The following GALNT13 variants were observed in gnomAD, a reference collection of about 807,000 sequenced individuals.
The protein encoded by GALNT13 is polypeptide N-acetylgalactosaminyltransferase 13, also known as UDP-GalNAc:polypeptide N-acetylgalactosaminyltransferase 13.
Under a neutral mutation model 64.2 loss-of-function variants are expected in GALNT13, and 28 were observed. The observed-to-expected ratio is 0.44, with a 90% CI of 0.32 to 0.60. The LOEUF is 0.60. Ranked by LOEUF, GALNT13 falls within the 20% of genes least tolerant of loss-of-function variation. GALNT13 has a pLI of 0.05. For missense variants in GALNT13, 577 were observed against 669.8 expected, an observed-to-expected ratio of 0.86 and a Z score of 1.53; for synonymous variants, 214 against 224.6, an observed-to-expected ratio of 0.95 and a Z score of 0.42.
the GALNT13 span, among the ~76,000 whole-genome samples, chr2:153,656,002 C>T: frequency 6.6e-6 from 1 of 152,118 alleles, no homozygotes; most frequent in African/African-American, 2.4e-5. Context: ...TTCACTTACT[C>T]TTTATCATTT....
At chr2:154,054,108 G>A (rs1490752770) in intron 3 of GALNT13, among the ~76,000 whole-genome samples, 1 of 151,868 alleles carries the variant, frequency 6.6e-6, no homozygotes, top group Admixed American at 6.6e-5. Context: ...CTTGCACAGA[G>A]CTCTTTTTTT....
At chr2:154,233,435 C>T (rs919044816) in intron 4 of GALNT13, among the ~76,000 whole-genome samples, 2 of 152,132 alleles carry the variant, frequency 1.3e-5, no homozygotes, top group Non-Finnish European at 2.9e-5. Context: ...ACGTGAGCAA[C>T]TTACCCTCCT....
At chr2:153,240,354 C>T in the GALNT13 span, among the ~76,000 whole-genome samples, 1 of 152,084 alleles carries the variant, frequency 6.6e-6, no homozygotes, top group Non-Finnish European at 1.5e-5. Context: ...TGCAATTTCC[C>T]TGTCTTAATA....
intron 3 of GALNT13, among the ~76,000 whole-genome samples, chr2:153,988,410 G>C (rs938490113): frequency 1.3e-5 from 2 of 151,892 alleles, no homozygotes; most frequent in Non-Finnish European, 2.9e-5. Flanking sequence ...CCATGTAAGT[G>C]AAACAATGCA....
intron 3 of GALNT13, among the ~76,000 whole-genome samples, chr2:154,008,036 C>T (rs1323348952): frequency 2.6e-5 from 4 of 152,144 alleles, no homozygotes; most frequent in Admixed American, 6.6e-5. Context: ...GATGTTCATC[C>T]TCAACTTGTT....
the GALNT13 span, among the ~76,000 whole-genome samples, chr2:153,801,571 C>A: frequency 6.6e-6 from 1 of 152,126 alleles, no homozygotes; most frequent in Non-Finnish European, 1.5e-5. Context: ...TGTATGGCCA[C>A]AATTCATGGC....
chr2:153,204,715 G>C, the GALNT13 span, among the ~76,000 whole-genome samples: 1 of 152,078 alleles, frequency 6.6e-6, no homozygotes, highest in African/African-American at 2.4e-5. Context: ...AATGTTTTGA[G>C]TTATTTATCA....
intron 4 of GALNT13, among the ~76,000 whole-genome samples, chr2:154,142,838 G>GTATATA (rs149527496): frequency 6.9e-6 from 1 of 144,138 alleles, no homozygotes; most frequent in Non-Finnish European, 1.5e-5. Context: ...GTGTGTGTGT[G>GTATATA]TATATATATA....
At chr2:153,549,686 G>A in the GALNT13 span, among the ~76,000 whole-genome samples, 1 of 152,296 alleles carries the variant, frequency 6.6e-6, no homozygotes, top group South Asian at 2.1e-4. Flanking sequence ...GCAGAGCCTA[G>A]TATAAATTGC....
At chr2:153,832,990 T>A in the GALNT13 span, among the ~76,000 whole-genome samples, 1 of 152,172 alleles carries the variant, frequency 6.6e-6, no homozygotes, top group Non-Finnish European at 1.5e-5. Context: ...TCTGAAAATA[T>A]TAAATGGGAA....
Position 154,452,843 on chromosome 2 carries a change from T to G in GALNT13, c.*2292T>G, listed in dbSNP as rs1701921725. 6.6e-6 allele frequency: 1 copy of G among 152,200 alleles called. No individual in the cohort carries two copies. Among genetic ancestry groups the G allele is most frequent in the African/African-American group, 2.4e-5 (1 of 41,466 alleles). 9.4% of individuals were successfully genotyped at this position (152,200 alleles called of 1,614,324 possible). A position where few individuals can be genotyped will look rare whatever the true frequency, so the allele number is the denominator to read the frequency against. ...TGTTTATTGTCTTCAGTACAAAAAG[T>G]TAAAACCATGATTGGATTCATAATG... is the stretch of plus-strand genomic sequence containing the variant. On this transcript the variant is annotated 3_prime_UTR_variant, in exon 13 of 13. Coordinates refer to ENST00000392825, the MANE Select transcript of GALNT13 (RefSeq NM_052917.4).
the GALNT13 span, among the ~76,000 whole-genome samples, chr2:153,458,682 C>T: frequency 6.6e-6 from 1 of 152,030 alleles, no homozygotes; most frequent in Admixed American, 6.6e-5. Context: ...TGTTGTATTC[C>T]CTAAGCCTAT....
chr2:154,202,469 A>T (rs548807919), intron 4 of GALNT13, among the ~76,000 whole-genome samples: 1 of 152,182 alleles, frequency 6.6e-6, no homozygotes, highest in African/African-American at 2.4e-5. Context: ...CACTTTACAG[A>T]TTATGATTAT....
At chr2:154,318,520 G>A (rs1314907789) in intron 9 of GALNT13, among the ~76,000 whole-genome samples, 1 of 152,120 alleles carries the variant, frequency 6.6e-6, no homozygotes, top group African/African-American at 2.4e-5. Context: ...GAGGTCAGGA[G>A]TTCGAGACTA....
At chr2:153,757,869 A>G in the GALNT13 span, among the ~76,000 whole-genome samples, 1 of 152,124 alleles carries the variant, frequency 6.6e-6, no homozygotes, top group Non-Finnish European at 1.5e-5. Flanking sequence ...CATTTCATAT[A>G]TATTTTGAAT....
the GALNT13 span, among the ~76,000 whole-genome samples, chr2:153,746,495 T>C: frequency 3.9e-5 from 6 of 152,256 alleles, no homozygotes; most frequent in Admixed American, 3.3e-4. Context: ...TTTAATCTTG[T>C]TGTGTAATAT....
At chr2:153,142,762 T>G in the GALNT13 span, among the ~76,000 whole-genome samples, 1 of 151,918 alleles carries the variant, frequency 6.6e-6, no homozygotes, top group African/African-American at 2.4e-5. Context: ...GAAGTTAGCC[T>G]GACAAGGGCC....
chr2:154,146,442 AGTG>A (rs565905038), intron 4 of GALNT13, among the ~76,000 whole-genome samples: 1 of 152,188 alleles, frequency 6.6e-6, no homozygotes, highest in East Asian at 1.9e-4. Context: ...TCTAAAAAAA[AGTG>A]GTATTATATA....
At chr2:154,245,730 T>C (rs1689744648) in intron 6 of GALNT13, 82 bp from the exon 7 acceptor site, 2 of 856,908 alleles carry the variant, frequency 2.3e-6, no homozygotes, top group Admixed American at 4.5e-5. Flanking sequence ...AATTTCCTCA[T>C]ATCAGCTATA....
Sources: allele counts gnomAD v4.1 joint callset (sites outside exome capture counted in the v4.1 genomes callset), GRCh38; gene constraint gnomAD v4.1.1; transcripts MANE v1.5; gene names NCBI Gene and HGNC (gene_info 2026-07-23, HGNC 2026-07-21).